PATJ: variants seen among roughly 807,000 people sequenced by gnomAD.
The protein encoded by PATJ is PATJ crumbs cell polarity complex component.
Under a neutral mutation model 224.9 loss-of-function variants are expected in PATJ, and 190 were observed. The ratio of observed to expected loss-of-function variants is 0.84; its 90% CI spans 0.75 to 0.95. PATJ has a LOEUF of 0.95. Among genes scored for constraint, PATJ ranks in the 40% least tolerant of loss-of-function variants. PATJ has a pLI of 0.00. For missense variants in PATJ, 2,121 were observed against 2,270.3 expected (o/e 0.93, Z 1.34); for synonymous variants, 769 against 820.3 (o/e 0.94, Z 1.07).
chr1:62,004,279 A>T (rs1295759785), intron 28 of PATJ, among the ~76,000 whole-genome samples: 1 of 152,226 alleles, frequency 6.6e-6, no homozygotes, highest in Non-Finnish European at 1.5e-5. Context: ...TGTTTAATAC[A>T]TGGCAGCTAT....
intron 16 of PATJ, among the ~76,000 whole-genome samples, chr1:61,829,864 A>G (rs2148770174): frequency 6.6e-6 from 1 of 152,356 alleles, no homozygotes; most frequent in Middle Eastern, 3.4e-3. Flanking sequence ...ATCATGTTGT[A>G]TTAGCCATTG....
intron 35 of PATJ, among the ~76,000 whole-genome samples, chr1:62,115,256 G>T (rs547942373): frequency 6.6e-6 from 1 of 152,244 alleles, no homozygotes; most frequent in East Asian, 1.9e-4. Context: ...GTTGCAGTGA[G>T]CTGAGATCAC....
chr1:61,864,667 C>G (rs1221845499), intron 20 of PATJ, 34 bp downstream of exon 20: 1 of 1,544,702 alleles, frequency 6.5e-7, no homozygotes, highest in Admixed American at 1.8e-5. Context: ...CACACCTCCC[C>G]TTCTGCTCTC....
intron 33 of PATJ, among the ~76,000 whole-genome samples, chr1:62,105,471 G>A (rs768421854): frequency 2.6e-5 from 4 of 152,072 alleles, no homozygotes; most frequent in Admixed American, 6.6e-5. Context: ...GTTTCTCCTC[G>A]TACTACCTTA....
chr1:62,075,830 A>G (rs561127580), intron 31 of PATJ, among the ~76,000 whole-genome samples: 13 of 151,908 alleles, frequency 8.6e-5, no homozygotes, highest in Non-Finnish European at 1.9e-4. Context: ...AGGCAGGAGA[A>G]TGATGTGAAC....
At chr1:62,105,077 G>A (rs966154051) in intron 33 of PATJ, among the ~76,000 whole-genome samples, 5 of 152,182 alleles carry the variant, frequency 3.3e-5, no homozygotes, top group Admixed American at 1.3e-4. Context: ...AAAGACTTAC[G>A]GACTAAAAAT....
chr1:61,930,166 C>T (rs1015816318), intron 27 of PATJ, among the ~76,000 whole-genome samples: 7 of 152,048 alleles, frequency 4.6e-5, no homozygotes, highest in African/African-American at 1.2e-4. Context: ...TTTCCTTCCC[C>T]GTGTACAGTC....
intron 33 of PATJ, among the ~76,000 whole-genome samples, chr1:62,102,935 A>G (rs1342371972): frequency 6.6e-6 from 1 of 151,760 alleles, no homozygotes; most frequent in Non-Finnish European, 1.5e-5. Context: ...GGGCCTATGC[A>G]TCATGCTTTC....
chr1:61,902,135 C>T (rs1210461166), intron 24 of PATJ, among the ~76,000 whole-genome samples: 1 of 151,658 alleles, frequency 6.6e-6, no homozygotes, highest in Non-Finnish European at 1.5e-5. Context: ...ACAGGAGAAT[C>T]GCTGGAACCC....
At chr1:61,890,725 G>GCAATCCTCCTGA (rs1669497066) in intron 22 of PATJ, among the ~76,000 whole-genome samples, 4 of 151,762 alleles carry the variant, frequency 2.6e-5, no homozygotes, top group African/African-American at 9.7e-5. Flanking sequence ...TAAACTCCTG[G>GCAATCCTCCTGA]CCTCAAGCAA....
intron 7 of PATJ, among the ~76,000 whole-genome samples, chr1:61,786,545 C>T (rs886068755): frequency 6.6e-6 from 1 of 152,016 alleles, no homozygotes; most frequent in Non-Finnish European, 1.5e-5. Flanking sequence ...TCCTGATTTC[C>T]ACCTCGCCCA....
chr1:61,771,163 G>A (rs1029983561), intron 5 of PATJ, among the ~76,000 whole-genome samples: 6 of 151,990 alleles, frequency 3.9e-5, no homozygotes, highest in Non-Finnish European at 5.9e-5. Context: ...TTGGCGGTGG[G>A]GTCCTATAGA....
At chr1:61,824,467 C>A (rs1481910836) in intron 15 of PATJ, among the ~76,000 whole-genome samples, 1 of 145,280 alleles carries the variant, frequency 6.9e-6, no homozygotes, top group Non-Finnish European at 1.5e-5. Context: ...ACCCTGTTGC[C>A]TGGGCTGGAG....
chr1:61,833,818 G>T, intron 17 of PATJ, 33 bp downstream of exon 17: 1 of 1,589,380 alleles, frequency 6.3e-7, no homozygotes, highest in African/African-American at 1.4e-5. Context: ...GTTTTCTTTG[G>T]AGTGATTGGT....
intron 26 of PATJ, among the ~76,000 whole-genome samples, chr1:61,920,513 C>A (rs1408373076): frequency 6.6e-6 from 1 of 152,068 alleles, no homozygotes; most frequent in Non-Finnish European, 1.5e-5. Context: ...CATTAAACTT[C>A]TTTTTCTTCC....
At chr1:61,805,563 A>G in intron 13 of PATJ, 39 bp downstream of exon 13, 1 of 1,183,686 alleles carries the variant, frequency 8.4e-7, no homozygotes, top group Non-Finnish European at 1.3e-6. Context: ...TTCATGTCTC[A>G]TTTCACATCA....
chr1:61,876,256 G>GA (rs199546028), intron 21 of PATJ, among the ~76,000 whole-genome samples: 4,696 of 149,048 alleles, frequency 0.032, 85 homozygotes, highest in Non-Finnish European at 0.045. Context: ...ACAGAGCATG[G>GA]AAAAAAAAAG....
intron 31 of PATJ, among the ~76,000 whole-genome samples, chr1:62,064,022 C>A (rs775675052): frequency 1.2e-4 from 18 of 152,134 alleles, no homozygotes; most frequent in Non-Finnish European, 2.5e-4. Flanking sequence ...CTCTGGCTAG[C>A]ACTTCCAGTA....
chr1:61,907,080 C>T (rs1188817901), intron 24 of PATJ, among the ~76,000 whole-genome samples: 2 of 152,098 alleles, frequency 1.3e-5, no homozygotes, highest in African/African-American at 2.4e-5. Flanking sequence ...CCCCTTTTCT[C>T]GGCACTTCTC....
Sources: gnomAD v4.1 joint callset for allele counts (sites outside exome capture counted in the v4.1 genomes callset) on GRCh38, gnomAD v4.1.1 for gene constraint, MANE v1.5 for transcripts, NCBI Gene and HGNC (gene_info 2026-07-23, HGNC 2026-07-21) for gene names.